SNX31: variants seen among roughly 807,000 people sequenced by gnomAD.
The protein encoded by SNX31 is sorting nexin-31.
In SNX31, 58 loss-of-function variants were observed where a neutral mutation model predicts 65.4. The observed-to-expected ratio is 0.89, with a 90% confidence interval of 0.72 to 1.10. The LOEUF is 1.10. Among genes scored for constraint, SNX31 ranks in the 50% least tolerant of loss-of-function variants. The pLI, the probability that SNX31 is intolerant of heterozygous loss-of-function variation, is 0.00. For synonymous variants in SNX31, 181 were observed against 190.1 expected (o/e 0.95, Z 0.39); for missense variants, 523 against 529.7 (o/e 0.99, Z 0.12).
chr8:100,644,517 C>T (rs1819492426), intron 2 of SNX31, among the ~76,000 whole-genome samples: 1 of 152,148 alleles, frequency 6.6e-6, no homozygotes, highest in South Asian at 2.1e-4. Flanking sequence ...GGAAGATGAG[C>T]AGCACTGAGC....
intron 4 of SNX31, chr8:100,619,169 T>C (rs975757051): frequency 2.0e-5 from 3 of 152,226 alleles, no homozygotes; most frequent in Non-Finnish European, 4.4e-5. Context: ...GTGCTTGTTA[T>C]GGATAACAAA....
At chr8:100,595,439 G>T (rs907329033) in intron 10 of SNX31, among the ~76,000 whole-genome samples, 1 of 151,836 alleles carries the variant, frequency 6.6e-6, no homozygotes, top group African/African-American at 2.4e-5. Context: ...CTCCCCAGTA[G>T]CTGGGACCAC....
chr8:100,584,615 G>A (rs1813861693), intron 11 of SNX31, among the ~76,000 whole-genome samples: 1 of 151,676 alleles, frequency 6.6e-6, no homozygotes, highest in Admixed American at 6.6e-5. Flanking sequence ...TAATTATTGA[G>A]AGACCTCTAC....
At chr8:100,620,528 T>C (rs1356580419) in intron 4 of SNX31, among the ~76,000 whole-genome samples, 1 of 152,184 alleles carries the variant, frequency 6.6e-6, no homozygotes, top group East Asian at 1.9e-4. Flanking sequence ...GAAGAGAAAA[T>C]CTGCTCTCTT....
At chr8:100,632,739 C>T (rs73274559) in intron 3 of SNX31, among the ~76,000 whole-genome samples, 23,605 of 151,154 alleles carry the variant, frequency 0.16, 2,090 homozygotes, top group South Asian at 0.25. Context: ...ACCACTGCAC[C>T]CCAGCCTGGG....
At chr8:100,597,197 T>G (rs1157580137) in intron 9 of SNX31, among the ~76,000 whole-genome samples, 1 of 151,988 alleles carries the variant, frequency 6.6e-6, no homozygotes, top group Non-Finnish European at 1.5e-5. Context: ...ACAGATATGA[T>G]TCTGTCTCAG....
intron 7 of SNX31, among the ~76,000 whole-genome samples, chr8:100,608,896 T>C (rs1340953641): frequency 6.6e-6 from 1 of 152,098 alleles, no homozygotes; most frequent in Non-Finnish European, 1.5e-5. Flanking sequence ...ATACCTGGCA[T>C]AGTCAACTGC....
intron 1 of SNX31, among the ~76,000 whole-genome samples, chr8:100,658,779 T>C (rs75745283): frequency 0.014 from 2,095 of 152,188 alleles, 40 homozygotes; most frequent in Middle Eastern, 0.031. Context: ...ACACACGAGA[T>C]GCTTCCGGGA....
rs1813237251 is a variant in SNX31 at position 100,578,614 on chromosome 8, A to G, written c.1171-1539T>C. 6.6e-6 allele frequency among the ~76,000 whole-genome samples: 1 copy of G among 152,212 alleles called. No homozygotes were observed. Among genetic ancestry groups the G allele is most frequent in the African/African-American group, 2.4e-5 (1 of 41,466 alleles). ...GTAAAATCAATTGCTTTAAGGAGGT[A>G]TGCATAAGACTTCCTTTAGGTTAGT... On this transcript the variant is annotated intron_variant, in intron 12 of 13. Transcript: ENST00000311812. This position sits in a 1 kb window ranked among gnomAD's most constrained non-coding sequence, Gnocchi z 4.7.
rs774469193 is a variant in SNX31 at position 100,630,318 on chromosome 8, C to A, written c.321+9G>T. ...GAATGATGGCCCCATTAAAGAAGAGCAAGCTTACCAGCTGCGCCAGTTTTA... is the reference window on the plus strand; with the variant it reads ...GAATGATGGCCCCATTAAAGAAGAGAAAGCTTACCAGCTGCGCCAGTTTTA... On this transcript the variant is annotated intron_variant, in intron 4 of 13. Coordinates refer to ENST00000311812, the MANE Select transcript of SNX31 (RefSeq NM_152628.4). This position sits in a 1 kb window ranked among gnomAD's most constrained non-coding sequence, Gnocchi z 5.3. 25 of 1,613,178 alleles carry A rather than the reference C, an allele frequency of 1.5e-5. No homozygotes were observed. The South Asian group carries it at 2.2e-4, about 14-fold the overall frequency.
intron 2 of SNX31, among the ~76,000 whole-genome samples, chr8:100,643,554 T>C (rs1183371097): frequency 6.6e-6 from 1 of 152,176 alleles, no homozygotes; most frequent in Non-Finnish European, 1.5e-5. Context: ...GCTTGCATAT[T>C]ATCCCATTTG....
chr8:100,659,973 C>G (rs1809756887), intron 1 of SNX31, among the ~76,000 whole-genome samples: 1 of 151,476 alleles, frequency 6.6e-6, no homozygotes, highest in African/African-American at 2.4e-5. Flanking sequence ...TATCATTTCT[C>G]TATATAATGA....
At chr8:100,641,077 CTG>C (rs1563579735) in intron 2 of SNX31, among the ~76,000 whole-genome samples, 1 of 122,368 alleles carries the variant, frequency 8.2e-6, no homozygotes, top group African/African-American at 3.3e-5. Flanking sequence ...AAAACTAAAA[CTG>C]TTTCAAAAAT....
At chr8:100,617,895 G>A (rs978644629) in intron 4 of SNX31, among the ~76,000 whole-genome samples, 165 bp from the exon 5 acceptor site, 2 of 151,598 alleles carry the variant, frequency 1.3e-5, no homozygotes, top group Non-Finnish European at 2.9e-5. Flanking sequence ...CTCCCAAGTA[G>A]CTGGGATTAC....
Position 100,613,951 on chromosome 8 carries a change from C to G in SNX31, c.433-866G>C, listed in dbSNP as rs1816947364. ...GCAAGGAGAGGCCTCCAAGCACTGC[C>G]CTCCAGAGCTGCTTTACCCACGACT... On this transcript the variant is annotated intron_variant, in intron 5 of 13. Transcript: ENST00000311812. The surrounding 1 kb of genome is among the most constrained non-coding windows in gnomAD (Gnocchi z 5.2). Among the ~76,000 whole-genome samples the G allele has an allele frequency of 6.6e-6, 1 of 152,116 alleles. No individual in the cohort carries two copies. Among genetic ancestry groups the G allele is most frequent in the South Asian group, 2.1e-4 (1 of 4,820 alleles).
Position 100,577,045 on chromosome 8 carries a change from T to A in SNX31, c.1201A>T (p.Lys401Ter). Residue 401 changes from lysine to a stop codon, truncating the protein, a stop_gained, in exon 13 of 14, where the codon AAA (lysine) becomes TAA (stop). Transcript: ENST00000311812. LOFTEE classifies it high-confidence loss of function. Reference protein sequence around the residue: ...QIEVPEQSKSKKYHIQQSQQK... With the variant: ...QIEVPEQSKS ...TGGCTTTGTTGAATGTGGTATTTTT[T>A]ACTTTTGCTTTGTTCCGGAACTTCA... is the stretch of plus-strand genomic sequence containing the variant. The A allele has an allele frequency of 6.2e-7, 1 of 1,613,884 alleles. No homozygotes were observed.
chr8:100,641,605 C>T (rs1373939622), intron 2 of SNX31, among the ~76,000 whole-genome samples: 4 of 20,652 alleles, frequency 1.9e-4, no homozygotes, highest in African/African-American at 9.6e-4. Flanking sequence ...TACACATACA[C>T]ACACACACGC....
intron 12 of SNX31, chr8:100,582,513 A>G (rs1472835675): frequency 6.6e-6 from 1 of 152,198 alleles, no homozygotes; most frequent in African/African-American, 2.4e-5. Context: ...TCAGTCACCA[A>G]GAGGCAGTGA....
At chr8:100,646,432 C>T (rs1055327209) in intron 2 of SNX31, among the ~76,000 whole-genome samples, 2 of 152,266 alleles carry the variant, frequency 1.3e-5, no homozygotes. Flanking sequence ...TTGTTTCAGA[C>T]CTTTAAAGGT....
Sources: allele counts gnomAD v4.1 joint callset (sites outside exome capture counted in the v4.1 genomes callset), GRCh38; gene constraint gnomAD v4.1.1; non-coding constraint Gnocchi (gnomAD v3.1); transcripts MANE v1.5; gene names NCBI Gene and HGNC (gene_info 2026-07-23, HGNC 2026-07-21).